TK2: variants seen among roughly 807,000 people sequenced by gnomAD.
TK2 encodes thymidine kinase 2, mitochondrial.
In TK2, 35 loss-of-function variants were observed where a neutral mutation model predicts 41.9. That is an observed-to-expected ratio of 0.84 (90% CI 0.64 to 1.11). TK2 has a LOEUF of 1.11. TK2 is among the 50% of genes least tolerant of loss of function. TK2 has a pLI of 0.00. For missense variants in TK2, 320 were observed against 351.1 expected (o/e 0.91, Z 0.71); for synonymous variants, 128 against 129.1 (o/e 0.99, Z 0.06).
intron 6 of TK2, chr16:66,525,015 C>T (rs1964890462): frequency 6.6e-6 from 1 of 152,248 alleles, no homozygotes; most frequent in Non-Finnish European, 1.5e-5. Context: ...CCTGCCCGAT[C>T]AGGAAGGAGC....
At chr16:66,537,135 A>AT in intron 3 of TK2, 118 bp from the exon 4 acceptor site, 1 of 1,432,468 alleles carries the variant, frequency 7.0e-7, no homozygotes, top group Middle Eastern at 1.7e-4. Flanking sequence ...GACTATCCAA[A>AT]TTTGGGTGCC....
chr16:66,520,604 C>T (rs976920499), intron 6 of TK2, among the ~76,000 whole-genome samples: 6 of 152,210 alleles, frequency 3.9e-5, no homozygotes, highest in African/African-American at 1.4e-4. Context: ...TGCCCTTACT[C>T]CAACCAGCGA....
intron 2 of TK2, among the ~76,000 whole-genome samples, chr16:66,545,779 A>G (rs1407306526): frequency 8.6e-5 from 13 of 151,960 alleles, no homozygotes; most frequent in Admixed American, 8.5e-4. Flanking sequence ...AGCCAAGATC[A>G]TGCCATTGCA....
At chr16:66,534,933 T>C (rs1276845545) in intron 4 of TK2, among the ~76,000 whole-genome samples, 2 of 152,258 alleles carry the variant, frequency 1.3e-5, no homozygotes, top group South Asian at 2.1e-4. Flanking sequence ...TCCTCTGATC[T>C]TGGCCTCCCA....
chr16:66,528,226 G>C (rs566335085), intron 6 of TK2, among the ~76,000 whole-genome samples: 1 of 152,116 alleles, frequency 6.6e-6, no homozygotes, highest in South Asian at 2.1e-4. Context: ...TCCCAAGCTC[G>C]CGGCAGGGAC....
At chr16:66,533,253 A>G (rs1297779869) in intron 4 of TK2, among the ~76,000 whole-genome samples, 1 of 141,168 alleles carries the variant, frequency 7.1e-6, no homozygotes, top group East Asian at 2.3e-4. Flanking sequence ...TTGTATTTTT[A>G]GTAGAGACGG....
intron 2 of TK2, among the ~76,000 whole-genome samples, chr16:66,544,205 G>A (rs1965538160): frequency 6.6e-6 from 1 of 152,136 alleles, no homozygotes; most frequent in East Asian, 1.9e-4. Flanking sequence ...GTTTACAGCA[G>A]GCAACGCAGG....
chr16:66,521,297 CCG>C (rs1228144358), intron 6 of TK2, among the ~76,000 whole-genome samples: 1 of 152,220 alleles, frequency 6.6e-6, no homozygotes, highest in Admixed American at 6.5e-5. Context: ...CTGACAGACT[CCG>C]GTGGCTCTGC....
chr16:66,543,769 T>C (rs1388147365), intron 2 of TK2, among the ~76,000 whole-genome samples: 1 of 151,970 alleles, frequency 6.6e-6, no homozygotes, highest in Non-Finnish European at 1.5e-5. Flanking sequence ...CACTAAAGTC[T>C]CCCCAGCAAC....
At position 66,511,953 on chromosome 16, in the gene TK2, T is replaced by C. The variant is rs756911935; in HGVS notation, c.*15A>G. On this transcript the variant is annotated 3_prime_UTR_variant, in exon 10 of 10. Coordinates refer to ENST00000544898, the MANE Select transcript of TK2 (RefSeq NM_004614.5). ...GCAGGCATTTTTCAGACATGAGCCATAGACCTTTTGCCTCCTATGGGCAAT... is the reference window on the plus strand; with the variant it reads ...GCAGGCATTTTTCAGACATGAGCCACAGACCTTTTGCCTCCTATGGGCAAT... 57 of 1,612,682 alleles carry C rather than the reference T, an allele frequency of 3.5e-5. No homozygotes were observed. Among genetic ancestry groups the C allele is most frequent in the Non-Finnish European group, 4.3e-5 (51 of 1,178,740 alleles).
rs1423654200 is a variant in TK2 at position 66,508,023 on chromosome 16, T to C, written c.*3945A>G. On this transcript the variant is annotated 3_prime_UTR_variant, in exon 10 of 10. Transcript: ENST00000544898. ...CCATGTGAATGGAAAATGGTTTATT[T>C]GACCACTCTCTTATGTATGCATCTT... 4 of 152,262 alleles carry C rather than the reference T, an allele frequency of 2.6e-5. No homozygotes were observed. Among genetic ancestry groups the C allele is most frequent in the Non-Finnish European group, 5.9e-5 (4 of 68,044 alleles). 9.4% of individuals were successfully genotyped at this position (152,262 alleles called of 1,614,324 possible). A position where few individuals can be genotyped will look rare whatever the true frequency, so the allele number is the denominator to read the frequency against.
chr16:66,543,258 CCT>C (rs1018714524), intron 2 of TK2, among the ~76,000 whole-genome samples: 1 of 152,224 alleles, frequency 6.6e-6, no homozygotes, highest in African/African-American at 2.4e-5. Flanking sequence ...AGAGCTTCTC[CCT>C]GTCTAGTCCA....
intron 4 of TK2, among the ~76,000 whole-genome samples, chr16:66,533,075 C>CTTT (rs56331052): frequency 2.1e-5 from 3 of 141,954 alleles, no homozygotes; most frequent in Non-Finnish European, 3.0e-5. Context: ...TGATAAAAAT[C>CTTT]TTTTTTTTTT....
intron 3 of TK2, among the ~76,000 whole-genome samples, chr16:66,537,247 C>A (rs148509422): frequency 4.6e-5 from 7 of 152,326 alleles, no homozygotes; most frequent in Admixed American, 2.0e-4. Context: ...ATAACTCTAT[C>A]CATGTTACCC....
At chr16:66,512,732 G>A (rs997501713) in intron 9 of TK2, among the ~76,000 whole-genome samples, 6 of 152,294 alleles carry the variant, frequency 3.9e-5, no homozygotes, top group East Asian at 1.9e-4. Flanking sequence ...GCAGCGAGCC[G>A]AGATTGCGTC....
intron 6 of TK2, among the ~76,000 whole-genome samples, chr16:66,519,851 C>T (rs1255197663): frequency 6.6e-6 from 1 of 152,148 alleles, no homozygotes; most frequent in Non-Finnish European, 1.5e-5. Context: ...CAGGGAGGGG[C>T]TGACTCCAGT....
intron 2 of TK2, chr16:66,548,749 G>A (rs1965685461): frequency 1.3e-5 from 7 of 538,376 alleles, no homozygotes; most frequent in African/African-American, 1.9e-5. Context: ...CTACCTGAAG[G>A]ATACAAATAC....
chr16:66,527,777 C>T (rs914347741), intron 6 of TK2, among the ~76,000 whole-genome samples: 1 of 152,168 alleles, frequency 6.6e-6, no homozygotes, highest in African/African-American at 2.4e-5. Flanking sequence ...CACCTATAAT[C>T]CCAGCACTTT....
chr16:66,512,855 AAGC>A (rs1457616645), intron 9 of TK2, among the ~76,000 whole-genome samples: 1 of 152,192 alleles, frequency 6.6e-6, no homozygotes, highest in Non-Finnish European at 1.5e-5. Flanking sequence ...CAAGAGCCAT[AAGC>A]AGAAGTGTTT....
Sources: allele counts gnomAD v4.1 joint callset (sites outside exome capture counted in the v4.1 genomes callset), GRCh38; gene constraint gnomAD v4.1.1; transcripts MANE v1.5; gene names NCBI Gene and HGNC (gene_info 2026-07-23, HGNC 2026-07-21).